Variants in ADAMTS6 observed in about 807,000 individuals in gnomAD.
ADAMTS6 encodes the protein ADAM metallopeptidase with thrombospondin type 1 motif 6.
ADAMTS6 carries 23 observed loss-of-function variants against 144.3 expected under a neutral mutation model. The observed-to-expected ratio is 0.16, with a 90% CI of 0.11 to 0.23. The LOEUF (loss-of-function observed/expected upper bound fraction) is 0.23. Ranked by LOEUF, ADAMTS6 falls within the 10% of genes least tolerant of loss-of-function variation. ADAMTS6 has a pLI of 1.00. For synonymous variants in ADAMTS6, 444 were observed against 457.5 expected, an observed-to-expected ratio of 0.97 and a Z score of 0.38; for missense variants, 999 against 1,379.6, an observed-to-expected ratio of 0.72 and a Z score of 4.37.
chr5:65,461,612 G>A (rs755204303), intron 3 of ADAMTS6, among the ~76,000 whole-genome samples: 1 of 152,132 alleles, frequency 6.6e-6, no homozygotes, highest in East Asian at 1.9e-4. Flanking sequence ...TCCTCAGCTG[G>A]AAAAATGAAA....
chr5:65,175,777 A>T (rs1253173642), intron 22 of ADAMTS6, among the ~76,000 whole-genome samples: 5 of 152,026 alleles, frequency 3.3e-5, no homozygotes, highest in Non-Finnish European at 5.9e-5. Flanking sequence ...CTTACAGGGG[A>T]TCTAAATCTT....
intron 1 of ADAMTS6, among the ~76,000 whole-genome samples, chr5:65,477,416 C>G (rs1347412908): frequency 6.6e-6 from 1 of 152,156 alleles, no homozygotes; most frequent in Non-Finnish European, 1.5e-5. Context: ...GAGAAACTTA[C>G]AATATAGTTG....
chr5:65,264,395 C>A (rs753999343), intron 12 of ADAMTS6, among the ~76,000 whole-genome samples: 3 of 152,106 alleles, frequency 2.0e-5, no homozygotes, highest in Non-Finnish European at 4.4e-5. Context: ...ACTGGTCCTT[C>A]TAGTAATGCT....
At chr5:65,412,818 A>C (rs1212087496) in intron 7 of ADAMTS6, among the ~76,000 whole-genome samples, 1 of 152,180 alleles carries the variant, frequency 6.6e-6, no homozygotes, top group Non-Finnish European at 1.5e-5. Context: ...CAGTTGAAGT[A>C]ATTGAAAACC....
At chr5:65,171,220 AG>A (rs1274751037) in intron 23 of ADAMTS6, among the ~76,000 whole-genome samples, 4 of 151,976 alleles carry the variant, frequency 2.6e-5, no homozygotes, top group African/African-American at 9.7e-5. Context: ...CATCTTAGCC[AG>A]CATGGTCTCA....
intron 9 of ADAMTS6, among the ~76,000 whole-genome samples, chr5:65,303,819 G>A (rs548078451): frequency 8.4e-4 from 128 of 152,066 alleles, no homozygotes; most frequent in South Asian, 3.1e-3. Context: ...AATTGCTATG[G>A]CATTTAGATT....
intron 4 of ADAMTS6, among the ~76,000 whole-genome samples, 175 bp from the exon 5 acceptor site, chr5:65,453,093 C>T (rs557893409): frequency 3.8e-4 from 39 of 102,978 alleles, no homozygotes; most frequent in African/African-American, 2.2e-3. Context: ...AAAATAATCA[C>T]GTTATCTGAA....
At chr5:65,255,175 C>A (rs1211742905) in intron 14 of ADAMTS6, among the ~76,000 whole-genome samples, 1 of 152,166 alleles carries the variant, frequency 6.6e-6, no homozygotes, top group African/African-American at 2.4e-5. Context: ...TAATCTAAAC[C>A]AATTCTGGTA....
At chr5:65,327,777 C>T (rs1300557324) in intron 9 of ADAMTS6, among the ~76,000 whole-genome samples, 6 of 152,242 alleles carry the variant, frequency 3.9e-5, no homozygotes, top group Middle Eastern at 3.4e-3. Flanking sequence ...TATTTAAGTA[C>T]GTACATACAA....
chr5:65,206,743 G>C (rs1580054956), intron 20 of ADAMTS6, among the ~76,000 whole-genome samples: 1 of 135,064 alleles, frequency 7.4e-6, no homozygotes, highest in Non-Finnish European at 1.6e-5. Context: ...GACTCAAAAA[G>C]TAAAATAAAA....
chr5:65,333,289 A>C (rs1012341438), intron 8 of ADAMTS6, among the ~76,000 whole-genome samples: 4 of 152,056 alleles, frequency 2.6e-5, no homozygotes, highest in African/African-American at 9.7e-5. Context: ...AGACTACTGG[A>C]GAGCTACCTT....
At chr5:65,448,742 C>T (rs1477075041) in intron 7 of ADAMTS6, among the ~76,000 whole-genome samples, 2 of 151,986 alleles carry the variant, frequency 1.3e-5, no homozygotes, top group East Asian at 1.9e-4. Context: ...TGTGAGCCAC[C>T]GCGCCCGGCC....
chr5:65,192,480 T>C (rs1214716843), intron 21 of ADAMTS6, among the ~76,000 whole-genome samples: 1 of 151,974 alleles, frequency 6.6e-6, no homozygotes, highest in Non-Finnish European at 1.5e-5. Flanking sequence ...GGAATAATAT[T>C]TATCACTCAA....
At chr5:65,408,199 C>T (rs1754733478) in intron 7 of ADAMTS6, among the ~76,000 whole-genome samples, 1 of 152,148 alleles carries the variant, frequency 6.6e-6, no homozygotes. Flanking sequence ...AAGACACAGA[C>T]TGGCAAATTG....
At chr5:65,226,872 C>T (rs1298330369) in intron 15 of ADAMTS6, among the ~76,000 whole-genome samples, 2 of 152,008 alleles carry the variant, frequency 1.3e-5, no homozygotes, top group African/African-American at 2.4e-5. Flanking sequence ...CGTGAGCCAC[C>T]GTGCCTGGCC....
intron 7 of ADAMTS6, among the ~76,000 whole-genome samples, chr5:65,433,548 T>A (rs955108038): frequency 6.6e-6 from 1 of 152,200 alleles, no homozygotes; most frequent in Non-Finnish European, 1.5e-5. Context: ...TATAACTTTT[T>A]ATATAAATGT....
intron 18 of ADAMTS6, among the ~76,000 whole-genome samples, chr5:65,222,201 T>G (rs1288223212): frequency 6.6e-6 from 1 of 152,164 alleles, no homozygotes; most frequent in Non-Finnish European, 1.5e-5. Context: ...GGACTAATGC[T>G]TCTGGATTTC....
Position 65,397,639 on chromosome 5 carries a change from G to A in ADAMTS6, c.1073+53836C>T, listed in dbSNP as rs551462698. Reference sequence around the variant, plus strand: ...CACCTGTAATCCCAGGATTTTGGTAGGCCCAGGAGACCAGATTGCTTGAGC... The same window carrying A: ...CACCTGTAATCCCAGGATTTTGGTAAGCCCAGGAGACCAGATTGCTTGAGC... On this transcript the variant is annotated intron_variant, in intron 7 of 24. Coordinates refer to ENST00000381055, the MANE Select transcript of ADAMTS6 (RefSeq NM_197941.4). Among the ~76,000 whole-genome samples the A allele has an allele frequency of 1.5e-4, 23 of 152,040 alleles. 1 individual carries two copies. The highest frequency in any genetic ancestry group is 6.8e-3 in the Middle Eastern group (2 of 294).
At chr5:65,155,474 G>T (rs6449774) in intron 24 of ADAMTS6, among the ~76,000 whole-genome samples, 1 of 152,042 alleles carries the variant, frequency 6.6e-6, no homozygotes, top group African/African-American at 2.4e-5. Flanking sequence ...TTGGAACACA[G>T]TGGTAAGTAT....
Sources: gnomAD v4.1 joint callset for allele counts (sites outside exome capture counted in the v4.1 genomes callset) on GRCh38, gnomAD v4.1.1 for gene constraint, MANE v1.5 for transcripts, NCBI Gene and HGNC (gene_info 2026-07-23, HGNC 2026-07-21) for gene names.